HDX: variants seen among roughly 807,000 people sequenced by gnomAD.
The protein encoded by HDX is chromosome X open reading frame 43.
A neutral mutation model predicts 45.2 loss-of-function variants in HDX; 19 were observed. The ratio of observed to expected loss-of-function variants is 0.42; its 90% confidence interval spans 0.29 to 0.62. The LOEUF is 0.62. Among genes scored for constraint, HDX ranks in the 20% least tolerant of loss-of-function variants. The pLI is 0.20. For synonymous variants in HDX, 188 were observed against 172.8 expected (o/e 1.09, Z -0.69); for missense variants, 532 against 493.9 (o/e 1.08, Z -0.73).
At chrX:84,417,681 T>A (rs1168388658) in intron 5 of HDX, among the ~76,000 whole-genome samples, 2 of 111,937 alleles carry the variant, frequency 1.8e-5, no homozygotes. Context: ...GGTGCAGAAC[T>A]GAGGTCTGTT....
intron 5 of HDX, among the ~76,000 whole-genome samples, chrX:84,432,572 T>G (rs775126323): frequency 9.0e-6 from 1 of 111,133 alleles, no homozygotes; most frequent in African/African-American, 3.3e-5. Context: ...TATTCTTAGG[T>G]TTTTTTTGTG....
chrX:84,410,946 G>T (rs1207274970), intron 5 of HDX, among the ~76,000 whole-genome samples: 2 of 106,697 alleles, frequency 1.9e-5, no homozygotes, highest in Non-Finnish European at 3.9e-5. Context: ...TTTCTAATTT[G>T]TATGCATAGA....
intron 5 of HDX, among the ~76,000 whole-genome samples, chrX:84,393,089 C>G (rs1423976824): frequency 9.0e-6 from 1 of 111,263 alleles, no homozygotes; most frequent in African/African-American, 3.3e-5. Flanking sequence ...ATGTGGCATC[C>G]TTGTATTGTT....
At chrX:84,451,765 C>G (rs2040004139) in intron 4 of HDX, among the ~76,000 whole-genome samples, 1 of 110,816 alleles carries the variant, frequency 9.0e-6, no homozygotes, top group Non-Finnish European at 1.9e-5. Flanking sequence ...AATACAGATG[C>G]AAAAACCCTC....
intron 5 of HDX, among the ~76,000 whole-genome samples, chrX:84,399,729 A>C (rs1765986800): frequency 9.0e-6 from 1 of 111,531 alleles, no homozygotes; most frequent in Non-Finnish European, 1.9e-5. Context: ...CCAGCATCAT[A>C]GTGATAGTAA....
chrX:84,378,432 A>G (rs1022440424), intron 5 of HDX, among the ~76,000 whole-genome samples: 2 of 111,850 alleles, frequency 1.8e-5, no homozygotes, highest in Non-Finnish European at 3.8e-5. Flanking sequence ...ATCAAAAATA[A>G]TAACTACAAA....
rs187230110 is a variant in HDX at position 84,427,285 on chromosome X, G to A, written c.1305+13247C>T. Among the ~76,000 whole-genome samples, 1,041 of 110,490 alleles carry A rather than the reference G, an allele frequency of 9.4e-3. 5 individuals carry two copies. The highest frequency in any genetic ancestry group is 0.019 in the Middle Eastern group (4 of 216). ...CTGGGTTCTCCAATAATTGAATTAG[G>A]AATCGCTTTTAAGAGTTTTATTTAG... On this transcript the variant is annotated intron_variant, in intron 5 of 10. Transcript: ENST00000373177.
At chrX:84,431,585 T>G (rs192593133) in intron 5 of HDX, among the ~76,000 whole-genome samples, 22 of 111,526 alleles carry the variant, frequency 2.0e-4, no homozygotes, top group African/African-American at 6.8e-4. Flanking sequence ...TGATTTGCAT[T>G]TCTCTAATGA....
At chrX:84,494,274 T>G (rs2040954695) in intron 1 of HDX, among the ~76,000 whole-genome samples, 1 of 112,256 alleles carries the variant, frequency 8.9e-6, no homozygotes, top group African/African-American at 3.2e-5. Flanking sequence ...TTTCAATAAA[T>G]TGTGTTTCTT....
At chrX:84,440,024 T>A (rs1351477156) in intron 5 of HDX, 2 of 111,653 alleles carry the variant, frequency 1.8e-5, no homozygotes, top group African/African-American at 6.5e-5. Context: ...TGAATGAGAT[T>A]CTTTGAGGAA....
chrX:84,440,595 CA>C lies in HDX; in HGVS notation c.1252-11del. On this transcript the variant is annotated splice_polypyrimidine_tract_variant and intron_variant, in intron 4 of 10. Transcript: ENST00000373177. ...TAAGGTTTCCTGAAATCTGTGAAAA[CA>C]ATAAATGGAATCTCAGTAAGCTATT... 8.8e-7 allele frequency: 1 copy of C among 1,137,914 alleles called. No individual in the cohort carries two copies. Among genetic ancestry groups the C allele is most frequent in the Non-Finnish European group, 1.2e-6 (1 of 832,393 alleles). 93.8% of individuals were successfully genotyped at this position (1,137,914 alleles called of 1,213,427 possible).
chrX:84,385,954 T>C (rs2038311168), intron 5 of HDX, among the ~76,000 whole-genome samples: 1 of 105,970 alleles, frequency 9.4e-6, no homozygotes, highest in Non-Finnish European at 1.9e-5. Flanking sequence ...GGAATGGTTC[T>C]AGCTTTTGCC....
intron 5 of HDX, among the ~76,000 whole-genome samples, chrX:84,389,368 G>A (rs1377140684): frequency 9.0e-6 from 1 of 111,676 alleles, no homozygotes; most frequent in African/African-American, 3.3e-5. Flanking sequence ...CCTGGCAGAG[G>A]AAGGCACACC....
intron 9 of HDX, among the ~76,000 whole-genome samples, chrX:84,332,048 G>C (rs1055800764): frequency 1.8e-5 from 2 of 111,302 alleles, no homozygotes; most frequent in Middle Eastern, 4.7e-3. Context: ...TATATAACTA[G>C]GGTACAACAT....
rs776326419 is a variant in HDX, at chrX:84,469,369, A to G, written c.354T>C (p.Ser118=). 190 of 1,207,818 alleles carry G rather than the reference A, an allele frequency of 1.6e-4. No homozygotes were observed. In the Admixed American group the frequency reaches 4.1e-3, roughly 26 times the overall value. ...TGIYSPASSS[S]RQGTNKHTDT... The stretch of plus-strand genomic sequence containing the variant: ...CTGTATGTTTGTTTGTTCCTTGCCT[A>G]CTTGATGAACTGGCTGGACTGTATA... The change falls in exon 4 of 11, where the codon AGT becomes AGC. Residue 118 remains serine (S), a synonymous_variant. Transcript: ENST00000373177.
intron 4 of HDX, among the ~76,000 whole-genome samples, chrX:84,444,394 A>G (rs1169182738): frequency 9.0e-6 from 1 of 111,163 alleles, no homozygotes; most frequent in Non-Finnish European, 1.9e-5. Flanking sequence ...AGTAAATTAA[A>G]GAAGTACAAA....
In HDX at chrX:84,441,003, TGC is replaced by T. The variant is rs2039750121; in HGVS notation, c.1252-420_1252-419del. Among the ~76,000 whole-genome samples the T allele has an allele frequency of 5.1e-5, 5 of 98,257 alleles. No individual in the cohort carries two copies. In the South Asian group the frequency reaches 2.3e-3, roughly 44 times the overall value. The allele number at this position is 98,257 out of a possible 115,157, so 85.3% of individuals were successfully genotyped here. ...GAGACACCCAGTGGATGTCTGAAACTGCAGAGAGTACTGAACTCTATATATAC... is the reference window on the plus strand; with the variant it reads ...GAGACACCCAGTGGATGTCTGAAACTAGAGAGTACTGAACTCTATATATAC... On this transcript the variant is annotated intron_variant, in intron 4 of 10. Coordinates refer to ENST00000373177, the MANE Select transcript of HDX (RefSeq NM_001177479.2).
chrX:84,360,191 C>T (rs1430688455), intron 6 of HDX, among the ~76,000 whole-genome samples: 1 of 111,711 alleles, frequency 9.0e-6, no homozygotes, highest in African/African-American at 3.3e-5. Flanking sequence ...CTCAACATCA[C>T]TAATCTTTAG....
chrX:84,381,618 A>G (rs2038189430), intron 5 of HDX, among the ~76,000 whole-genome samples: 1 of 111,888 alleles, frequency 8.9e-6, no homozygotes, highest in Admixed American at 9.5e-5. Context: ...AGTTTCTTCA[A>G]TAAATGGTGC....
Sources: allele counts gnomAD v4.1 joint callset (sites outside exome capture counted in the v4.1 genomes callset), GRCh38; gene constraint gnomAD v4.1.1; transcripts MANE v1.5; gene names NCBI Gene and HGNC (gene_info 2026-07-23, HGNC 2026-07-21).